FMN1: variants seen among roughly 807,000 people sequenced by gnomAD.
FMN1 encodes the protein formin 1.
Under a neutral mutation model 132.4 loss-of-function variants are expected in FMN1, and 110 were observed. The observed-to-expected ratio is 0.83, with a 90% CI of 0.71 to 0.97. The LOEUF is 0.97. FMN1 is among the 50% of genes least tolerant of loss of function. FMN1 has a pLI of 0.00. For synonymous variants in FMN1, 722 were observed against 651.7 expected (o/e 1.11, Z -1.64); for missense variants, 1,792 against 1,705.3 (o/e 1.05, Z -0.90).
At chr15:32,870,989 T>C (rs2059502323) in intron 16 of FMN1, among the ~76,000 whole-genome samples, 2 of 151,892 alleles carry the variant, frequency 1.3e-5, no homozygotes, top group Non-Finnish European at 2.9e-5. Flanking sequence ...TCAAAAACAA[T>C]AGGTAGGAAA....
At chr15:32,892,921 C>T (rs1024069986) in intron 15 of FMN1, among the ~76,000 whole-genome samples, 1 of 152,190 alleles carries the variant, frequency 6.6e-6, no homozygotes, top group African/African-American at 2.4e-5. Context: ...GAGGCAGAAA[C>T]TGTGTCTTGT....
intron 3 of FMN1, among the ~76,000 whole-genome samples, chr15:33,174,823 C>A (rs997444132): frequency 1.3e-5 from 2 of 152,192 alleles, no homozygotes; most frequent in East Asian, 3.8e-4. Context: ...AATAGCGGGA[C>A]AATCAGAAAT....
chr15:33,152,788 C>CAAAAAAAAAAAAAAAAAAAAAAAAAAA (rs367698101), intron 4 of FMN1, among the ~76,000 whole-genome samples: 1 of 65,944 alleles, frequency 1.5e-5, no homozygotes, highest in African/African-American at 6.9e-5. Context: ...TAGAGGATGC[C>CAAAAAAAAAAAAAAAAAAAAAAAAAAA]AAAAAAAAAA....
Position 33,149,931 on chromosome 15 carries a change from C to A in FMN1, c.1867+3117G>T, listed in dbSNP as rs928587417. On this transcript the variant is annotated intron_variant, in intron 4 of 20. Transcript: ENST00000616417. ...TTACACATGTAAATAAAATTTATTT[C>A]ATGTATGCCTCTTAACTCTTAATAA... 54 of 984,806 alleles carry A rather than the reference C, an allele frequency of 5.5e-5. No individual in the cohort carries two copies. The African/African-American group carries it at 8.9e-4, about 16-fold the overall frequency. The allele number at this position is 984,806 out of a possible 1,614,324, so 61.0% of individuals were successfully genotyped here. A position where few individuals can be genotyped will look rare whatever the true frequency, so the allele number is the denominator to read the frequency against.
intron 9 of FMN1, among the ~76,000 whole-genome samples, chr15:32,947,245 A>G (rs1171957343): frequency 6.6e-6 from 1 of 152,056 alleles, no homozygotes; most frequent in Non-Finnish European, 1.5e-5. Flanking sequence ...ATATATATTC[A>G]ATTTTTAAAA....
chr15:32,849,237 C>T lies in FMN1; in HGVS notation c.3928+7778G>A, dbSNP rs186050595. On this transcript the variant is annotated intron_variant, in intron 17 of 20. Coordinates refer to ENST00000616417, the MANE Select transcript of FMN1 (RefSeq NM_001277313.2). ...CGGTCTCCTGACCTCGTGATCTGCC[C>T]GCCTCGGCCTCCCAAAGTGCTGTGA... 1.5e-3 allele frequency among the ~76,000 whole-genome samples: 234 copies of T among 151,566 alleles called. 4 individuals are homozygous for T. The East Asian group carries it at 0.016, about 10-fold the overall frequency.
intron 10 of FMN1, among the ~76,000 whole-genome samples, chr15:32,923,835 A>G (rs1320489363): frequency 2.6e-5 from 4 of 152,190 alleles, no homozygotes; most frequent in African/African-American, 9.6e-5. Flanking sequence ...GGACATGCTT[A>G]AAACAAACGG....
At chr15:33,057,980 G>T (rs1289148650) in intron 6 of FMN1, among the ~76,000 whole-genome samples, 1 of 152,176 alleles carries the variant, frequency 6.6e-6, no homozygotes, top group Non-Finnish European at 1.5e-5. Flanking sequence ...CAAGTGAAAA[G>T]TATGATGGGG....
At chr15:33,073,604 A>C (rs2038081761) in intron 5 of FMN1, among the ~76,000 whole-genome samples, 1 of 152,154 alleles carries the variant, frequency 6.6e-6, no homozygotes, top group Non-Finnish European at 1.5e-5. Context: ...CATCATAAGG[A>C]GTCAAAAAAA....
chr15:33,104,169 T>C (rs902915196), intron 4 of FMN1, among the ~76,000 whole-genome samples: 3 of 152,094 alleles, frequency 2.0e-5, no homozygotes, highest in South Asian at 4.1e-4. Context: ...AATGATAAAA[T>C]AGAAACTTTT....
intron 5 of FMN1, among the ~76,000 whole-genome samples, chr15:33,082,093 A>ATGTGTGTGTGTGTGTGTGTG (rs61138142): frequency 3.3e-5 from 4 of 120,334 alleles, no homozygotes; most frequent in South Asian, 2.9e-4. Flanking sequence ...CTGGAAAACA[A>ATGTGTGTGTGTGTGTGTGTG]TGTGTGTGTG....
At chr15:32,912,134 T>C (rs2060576425) in intron 10 of FMN1, among the ~76,000 whole-genome samples, 1 of 152,238 alleles carries the variant, frequency 6.6e-6, no homozygotes, top group Non-Finnish European at 1.5e-5. Context: ...GGTAACTATA[T>C]ATTACAAGCT....
intron 4 of FMN1, among the ~76,000 whole-genome samples, chr15:33,103,725 G>A (rs2039379128): frequency 1.3e-5 from 2 of 152,036 alleles, no homozygotes; most frequent in African/African-American, 4.8e-5. Context: ...TAAGGTGCCA[G>A]GGTCTTTTCA....
intron 16 of FMN1, among the ~76,000 whole-genome samples, chr15:32,866,583 TTG>T (rs759286333): frequency 1.3e-5 from 2 of 152,174 alleles, no homozygotes; most frequent in African/African-American, 2.4e-5. Context: ...TTCCTAATGT[TTG>T]TGTGTTTAAT....
chr15:32,876,919 T>C (rs1429214123), intron 16 of FMN1, among the ~76,000 whole-genome samples: 1 of 150,260 alleles, frequency 6.7e-6, no homozygotes, highest in Admixed American at 6.6e-5. Flanking sequence ...AGTGTCATTT[T>C]CCATGATTCC....
intron 7 of FMN1, among the ~76,000 whole-genome samples, chr15:32,979,721 T>A (rs1050602790): frequency 7.3e-6 from 1 of 136,196 alleles, no homozygotes; most frequent in African/African-American, 2.7e-5. Context: ...AGACATAACT[T>A]TTTCCTTGAC....
chr15:32,900,175 A>G (rs556797171), intron 13 of FMN1, 50 bp from the exon 14 acceptor site: 2 of 1,592,594 alleles, frequency 1.3e-6, no homozygotes, highest in Non-Finnish European at 1.7e-6. Context: ...AAATGCACCC[A>G]TGTTCATTCA....
At chr15:32,899,452 C>G (rs113308042) in intron 14 of FMN1, among the ~76,000 whole-genome samples, 4 of 152,200 alleles carry the variant, frequency 2.6e-5, no homozygotes, top group Non-Finnish European at 2.9e-5. Flanking sequence ...CCCCCTGCCC[C>G]CCATGGGACG....
At chr15:32,931,986 A>G (rs2061130304) in intron 9 of FMN1, among the ~76,000 whole-genome samples, 3 of 152,004 alleles carry the variant, frequency 2.0e-5, no homozygotes, top group Non-Finnish European at 4.4e-5. Flanking sequence ...TATTTTTATC[A>G]TTTGTTCTTT....
Sources: gnomAD v4.1 joint callset for allele counts (sites outside exome capture counted in the v4.1 genomes callset) on GRCh38, gnomAD v4.1.1 for gene constraint, MANE v1.5 for transcripts, NCBI Gene and HGNC (gene_info 2026-07-23, HGNC 2026-07-21) for gene names.